Variants in LRRC28 observed in about 807,000 individuals in gnomAD.
LRRC28 encodes the protein leucine-rich repeat-containing protein 28.
In LRRC28, 39 loss-of-function variants were observed where a neutral mutation model predicts 45.7. The observed-to-expected ratio is 0.85, with a 90% CI of 0.66 to 1.12. LRRC28 has a LOEUF of 1.12. Ranked by LOEUF, LRRC28 falls within the 50% of genes most tolerant of loss-of-function variation. The pLI, the probability that LRRC28 is intolerant of heterozygous loss-of-function variation, is 0.00. For missense variants in LRRC28, 435 were observed against 438.5 expected (o/e 0.99, Z 0.07); for synonymous variants, 206 against 178.8 (o/e 1.15, Z -1.22).
In LRRC28 at chr15:99,333,965, C is replaced by G. The variant is rs770423286; in HGVS notation, c.428C>G (p.Thr143Ser). ...GAGCTGCAGACACTAGACATTTCTA[C>G]CAATCGTTTGCTAACTTTACCCGAG... Reference protein sequence around the residue: ...LKELQTLDISTNRLLTLPERL... With the variant: ...LKELQTLDISSNRLLTLPERL... The change falls in exon 6 of 10, where the codon ACC becomes AGC. Residue 143 changes from threonine (T) to serine (S), a missense_variant. Physicochemically the swap from Thr to Ser is moderately conservative, Grantham distance 58 (BLOSUM62 1). Transcript: ENST00000301981. 6.2e-7 allele frequency: 1 copy of G among 1,614,108 alleles called. No individual in the cohort carries two copies. Among genetic ancestry groups the G allele is most frequent in the Non-Finnish European group, 8.5e-7 (1 of 1,180,000 alleles).
intron 5 of LRRC28, among the ~76,000 whole-genome samples, chr15:99,325,708 T>G (rs1414424435): frequency 3.3e-5 from 5 of 152,218 alleles, no homozygotes; most frequent in East Asian, 1.9e-4. Flanking sequence ...ACATGTGTAT[T>G]ACATTGATTT....
chr15:99,255,776 T>A (rs2080998945), intron 1 of LRRC28, 122 bp from the exon 2 acceptor site: 2 of 487,166 alleles, frequency 4.1e-6, no homozygotes, highest in Admixed American at 3.9e-5. Context: ...AAGTAAAATG[T>A]AGGATTGAAT....
chr15:99,383,181 T>G (rs1258200862), intron 9 of LRRC28, among the ~76,000 whole-genome samples: 1 of 152,230 alleles, frequency 6.6e-6, no homozygotes, highest in East Asian at 1.9e-4. Context: ...TAGATTTTCC[T>G]GTCTCTGGCC....
intron 2 of LRRC28, among the ~76,000 whole-genome samples, chr15:99,263,204 G>A (rs1486711608): frequency 1.3e-5 from 2 of 150,050 alleles, no homozygotes; most frequent in East Asian, 2.0e-4. Context: ...TGTAGTCCCA[G>A]CTACTTGGGG....
rs116396855 is a variant in LRRC28 at position 99,349,311 on chromosome 15, G to A, written c.593-3058G>A. Reference sequence around the variant, plus strand: ...CTTAGAGATCTTTTTTTGGTGTACTGGAGTAAAAATGGACTAAAAAGTTCA... The same window carrying A: ...CTTAGAGATCTTTTTTTGGTGTACTAGAGTAAAAATGGACTAAAAAGTTCA... On this transcript the variant is annotated intron_variant, in intron 6 of 9. Coordinates refer to ENST00000301981, the MANE Select transcript of LRRC28 (RefSeq NM_144598.5). 6.5e-3 allele frequency among the ~76,000 whole-genome samples: 984 copies of A among 151,900 alleles called. 10 individuals are homozygous for A. Among genetic ancestry groups the A allele is most frequent in the African/African-American group, 0.023 (959 of 41,420 alleles).
chr15:99,350,092 C>T (rs887727021), intron 6 of LRRC28, among the ~76,000 whole-genome samples: 17 of 148,856 alleles, frequency 1.1e-4, no homozygotes, highest in African/African-American at 2.5e-4. Flanking sequence ...GCTGAGATTG[C>T]GCCACTGCAG....
chr15:99,331,683 G>C (rs1956162954), intron 5 of LRRC28, among the ~76,000 whole-genome samples: 1 of 149,106 alleles, frequency 6.7e-6, no homozygotes, highest in Admixed American at 6.7e-5. Flanking sequence ...TCTCCACCAA[G>C]CTCTCTCTCT....
rs761522375 is a variant in LRRC28, at chr15:99,361,476, GAGGGCTGTATCATACCTACCAC to G, written c.839_860del (p.Gly280AlafsTer3). The G allele has an allele frequency of 6.2e-7, 1 of 1,613,692 alleles. No homozygotes were observed. Among genetic ancestry groups the G allele is most frequent in the Non-Finnish European group, 8.5e-7 (1 of 1,179,818 alleles). On this transcript the variant is annotated frameshift_variant, in exon 8 of 10. Coordinates refer to ENST00000301981, the MANE Select transcript of LRRC28 (RefSeq NM_144598.5). LOFTEE classifies it high-confidence loss of function. ...CTCCCTCTGCAGGAATTGGCTATGA[GAGGGCTGTATCATACCTACCAC>G]AGCTTGCTGAAAGGTACGTGGGACT... is the stretch of plus-strand genomic sequence containing the variant.
chr15:99,367,087 C>T (rs1957360612), intron 9 of LRRC28, among the ~76,000 whole-genome samples: 1 of 152,154 alleles, frequency 6.6e-6, no homozygotes, highest in Non-Finnish European at 1.5e-5. Context: ...TTAGATCCCA[C>T]AGGTTAAGGG....
intron 3 of LRRC28, among the ~76,000 whole-genome samples, chr15:99,286,133 G>GTT (rs2081952389): frequency 6.6e-6 from 1 of 152,114 alleles, no homozygotes; most frequent in South Asian, 2.1e-4. Flanking sequence ...TTGTTTGTTT[G>GTT]TTTGTTTTTG....
intron 9 of LRRC28, among the ~76,000 whole-genome samples, chr15:99,385,611 C>T (rs187913683): frequency 1.3e-5 from 2 of 152,318 alleles, no homozygotes; most frequent in Admixed American, 1.3e-4. Flanking sequence ...GTTGTTTAAG[C>T]TCTGTGGTAT....
At chr15:99,382,727 T>A (rs941185712) in intron 9 of LRRC28, among the ~76,000 whole-genome samples, 8 of 152,168 alleles carry the variant, frequency 5.3e-5, no homozygotes, top group Non-Finnish European at 1.2e-4. Flanking sequence ...AAATCTCAGC[T>A]GTGACTTGGT....
chr15:99,282,727 C>G (rs949082721), intron 3 of LRRC28, among the ~76,000 whole-genome samples: 1 of 152,108 alleles, frequency 6.6e-6, no homozygotes, highest in Non-Finnish European at 1.5e-5. Context: ...GTTTGCATAA[C>G]AAGGAAATCA....
intron 2 of LRRC28, chr15:99,258,492 G>A: frequency 1.3e-6 from 1 of 766,886 alleles, no homozygotes; most frequent in East Asian, 2.5e-5. Context: ...CTGTTAAGGA[G>A]CCATGAAGGA....
intron 5 of LRRC28, among the ~76,000 whole-genome samples, chr15:99,307,037 G>T (rs1365905687): frequency 3.9e-5 from 6 of 152,202 alleles, no homozygotes; most frequent in African/African-American, 1.4e-4. Context: ...TTCATTGTCA[G>T]AATGGGGCCA....
At position 99,390,534 on chromosome 15, in the gene LRRC28, C is replaced by T. The variant is rs533157371; in HGVS notation, c.*4432C>T. The T allele has an allele frequency of 3.3e-5, 5 of 152,298 alleles. No individual in the cohort carries two copies. The highest frequency in any genetic ancestry group is 7.3e-5 in the Non-Finnish European group (5 of 68,032). The allele number at this position is 152,298 out of a possible 1,614,324, so 9.4% of individuals were successfully genotyped here. A position where few individuals can be genotyped will look rare whatever the true frequency, so the allele number is the denominator to read the frequency against. Reference sequence around the variant, plus strand: ...TGATCCAAGATTTTTAAAATAGATACATAATGAAATCCAGGCCTCTGAAAA... The same window carrying T: ...TGATCCAAGATTTTTAAAATAGATATATAATGAAATCCAGGCCTCTGAAAA... On this transcript the variant is annotated 3_prime_UTR_variant, in exon 10 of 10. Coordinates refer to ENST00000301981, the MANE Select transcript of LRRC28 (RefSeq NM_144598.5).
intron 9 of LRRC28, among the ~76,000 whole-genome samples, chr15:99,382,728 G>A (rs528114078): frequency 6.6e-6 from 1 of 152,178 alleles, no homozygotes; most frequent in African/African-American, 2.4e-5. Flanking sequence ...AATCTCAGCT[G>A]TGACTTGGTA....
intron 9 of LRRC28, among the ~76,000 whole-genome samples, chr15:99,364,362 G>A (rs1567700040): frequency 6.6e-6 from 1 of 152,150 alleles, no homozygotes; most frequent in Admixed American, 6.5e-5. Context: ...TCCCAAAACC[G>A]TGTTTATCTT....
chr15:99,315,481 A>C (rs866766432), intron 5 of LRRC28, among the ~76,000 whole-genome samples: 1 of 152,200 alleles, frequency 6.6e-6, no homozygotes, highest in South Asian at 2.1e-4. Context: ...ACAGAATTCT[A>C]GGATCTCATG....
Sources: gnomAD v4.1 joint callset for allele counts (sites outside exome capture counted in the v4.1 genomes callset) on GRCh38, gnomAD v4.1.1 for gene constraint, MANE v1.5 for transcripts, NCBI Gene and HGNC (gene_info 2026-07-23, HGNC 2026-07-21) for gene names.